Variants in RIMS2 observed in about 807,000 individuals in gnomAD.
The protein encoded by RIMS2 is regulating synaptic membrane exocytosis protein 2.
A neutral mutation model predicts 174.4 loss-of-function variants in RIMS2; 59 were observed. The observed-to-expected ratio is 0.34, with a 90% confidence interval of 0.27 to 0.42. The LOEUF is 0.42. Ranked by LOEUF, RIMS2 falls within the 10% of genes least tolerant of loss-of-function variation. The probability of loss-of-function intolerance (pLI) is 1.00; values close to 1 mark genes in which losing one functional copy is unlikely to be tolerated. For synonymous variants in RIMS2, 606 were observed against 572.5 expected (o/e 1.06, Z -0.84); for missense variants, 1,620 against 1,666.3 (o/e 0.97, Z 0.48).
At chr8:104,014,462 G>T (rs751530488) in intron 18 of RIMS2, 44 bp from the exon 21 acceptor site, 2 of 1,068,132 alleles carry the variant, frequency 1.9e-6, no homozygotes, top group East Asian at 2.4e-5. Flanking sequence ...TTAAAAATAT[G>T]TAACTCATTA....
chr8:103,837,946 T>C (rs2154484487), intron 3 of RIMS2, among the ~76,000 whole-genome samples: 1 of 151,002 alleles, frequency 6.6e-6, no homozygotes, highest in South Asian at 2.1e-4. Flanking sequence ...TTCTCTTTTT[T>C]TTTTTTTTTT....
intron 19 of RIMS2, among the ~76,000 whole-genome samples, chr8:104,049,193 C>T (rs983857594): frequency 6.6e-6 from 1 of 150,770 alleles, no homozygotes; most frequent in East Asian, 2.0e-4. Context: ...GAGGCCGAGG[C>T]GGGTGGATCA....
chr8:103,913,439 A>G (rs944854978), intron 6 of RIMS2, among the ~76,000 whole-genome samples: 1 of 152,032 alleles, frequency 6.6e-6, no homozygotes, highest in Non-Finnish European at 1.5e-5. Context: ...GTCTCTCTCT[A>G]AAAAAAGTAA....
intron 1 of RIMS2, among the ~76,000 whole-genome samples, chr8:103,536,396 C>T (rs377748738): frequency 4.2e-4 from 64 of 152,054 alleles, no homozygotes; most frequent in Non-Finnish European, 6.3e-4. Context: ...AGTATAGAAA[C>T]GGTGAAATAA....
chr8:103,657,435 T>A (rs1288601580), intron 1 of RIMS2, among the ~76,000 whole-genome samples: 1 of 152,220 alleles, frequency 6.6e-6, no homozygotes, highest in Non-Finnish European at 1.5e-5. Context: ...CTATCCTCTA[T>A]ATAATGAGTT....
intron 2 of RIMS2, among the ~76,000 whole-genome samples, chr8:103,708,773 GTTT>G (rs977515411): frequency 6.6e-6 from 1 of 151,952 alleles, no homozygotes; most frequent in African/African-American, 2.4e-5. Flanking sequence ...CAATTAAATT[GTTT>G]TTTTGGTGTA....
intron 15 of RIMS2, among the ~76,000 whole-genome samples, chr8:103,964,184 G>A (rs865998550): frequency 1.4e-4 from 21 of 152,272 alleles, no homozygotes; most frequent in Middle Eastern, 6.8e-3. Context: ...TTTCGCAAAC[G>A]CCAACCAGCA....
chr8:103,747,032 C>G (rs1402208010), intron 2 of RIMS2, among the ~76,000 whole-genome samples: 1 of 151,222 alleles, frequency 6.6e-6, no homozygotes, highest in Non-Finnish European at 1.5e-5. Context: ...GGATAATGGC[C>G]TCCAACTCTA....
intron 4 of RIMS2, among the ~76,000 whole-genome samples, chr8:103,891,858 T>G (rs1298010232): frequency 6.6e-6 from 1 of 151,970 alleles, no homozygotes; most frequent in Non-Finnish European, 1.5e-5. Flanking sequence ...GAAGGAAAAA[T>G]AGACTACACC....
chr8:104,032,707 A>G (rs2096423864), intron 19 of RIMS2, among the ~76,000 whole-genome samples: 1 of 152,066 alleles, frequency 6.6e-6, no homozygotes. Flanking sequence ...ATAATTAAAA[A>G]TAGTTGTGTC....
chr8:104,214,919 C>T (rs2099123134), intron 19 of RIMS2, among the ~76,000 whole-genome samples: 1 of 152,164 alleles, frequency 6.6e-6, no homozygotes, highest in African/African-American at 2.4e-5. Context: ...GATGTTTGAC[C>T]TGGATCTGTA....
chr8:103,571,233 T>G (rs1014473545), intron 1 of RIMS2, among the ~76,000 whole-genome samples: 1 of 152,208 alleles, frequency 6.6e-6, no homozygotes, highest in Non-Finnish European at 1.5e-5. Context: ...ATGTCACTTA[T>G]GATCTCAAAA....
At chr8:103,679,682 T>TGA (rs1412551663) in intron 1 of RIMS2, among the ~76,000 whole-genome samples, 8 of 151,992 alleles carry the variant, frequency 5.3e-5, no homozygotes, top group Non-Finnish European at 7.4e-5. Context: ...TCCTTAGTGA[T>TGA]GAGGGAGACT....
chr8:104,027,446 C>G (rs898220287), intron 19 of RIMS2, among the ~76,000 whole-genome samples: 2 of 152,142 alleles, frequency 1.3e-5, no homozygotes, highest in African/African-American at 2.4e-5. Flanking sequence ...AAAGAACTCC[C>G]TTTCACCTCA....
intron 14 of RIMS2, among the ~76,000 whole-genome samples, chr8:103,957,780 C>T (rs1039886138): frequency 2.6e-5 from 4 of 152,048 alleles, no homozygotes; most frequent in South Asian, 2.1e-4. Flanking sequence ...GACATGCATG[C>T]GGCCAACAAG....
chr8:103,975,367 C>G (rs1198632500), exon 16 of RIMS2: 1 of 1,611,760 alleles, frequency 6.2e-7, no homozygotes, highest in Non-Finnish European at 8.5e-7. Context: ...ACATGATGGT[C>G]GAGATCTTCA....
chr8:104,080,538 A>G (rs909012083), intron 19 of RIMS2, among the ~76,000 whole-genome samples: 2 of 152,028 alleles, frequency 1.3e-5, no homozygotes, highest in Admixed American at 1.3e-4. Flanking sequence ...TTATATGTGT[A>G]ATGTTTTGCA....
intron 1 of RIMS2, among the ~76,000 whole-genome samples, chr8:103,607,144 T>A (rs2095137935): frequency 6.6e-6 from 1 of 152,204 alleles, no homozygotes; most frequent in Non-Finnish European, 1.5e-5. Context: ...TGGTGCCGGT[T>A]GTTCCTTTCC....
At chr8:103,952,308 T>A (rs1039702321) in intron 14 of RIMS2, among the ~76,000 whole-genome samples, 1 of 152,184 alleles carries the variant, frequency 6.6e-6, no homozygotes, top group African/African-American at 2.4e-5. Context: ...CCATGTATCC[T>A]GACTAGGAGA....
Sources: gnomAD v4.1 joint callset for allele counts (sites outside exome capture counted in the v4.1 genomes callset) on GRCh38, gnomAD v4.1.1 for gene constraint, MANE v1.5 for transcripts, NCBI Gene and HGNC (gene_info 2026-07-23, HGNC 2026-07-21) for gene names.